The following NEMP2 variants were observed in gnomAD, a reference collection of about 807,000 sequenced individuals.
NEMP2 encodes the protein UPF0571 transmembrane protein.
In NEMP2, 53 loss-of-function variants were observed where a neutral mutation model predicts 54.2. The observed-to-expected ratio is 0.98, with a 90% CI of 0.78 to 1.23. The LOEUF (loss-of-function observed/expected upper bound fraction) is 1.23, where lower values mean the gene tolerates loss of function less well. Among genes scored for constraint, NEMP2 ranks in the 50% most tolerant of loss-of-function variants. The pLI is 0.00. For missense variants in NEMP2, 455 were observed against 511.3 expected (o/e 0.89, Z 1.06); for synonymous variants, 197 against 190.3 (o/e 1.04, Z -0.29).
At chr2:190,608,574 T>C in the NEMP2 span, 5 of 152,180 alleles carry the variant, frequency 3.3e-5, no homozygotes, top group African/African-American at 9.7e-5. The surrounding 1 kb of genome is among the most constrained non-coding windows in gnomAD (Gnocchi z 4.9). Context: ...CCAGAAAGCA[T>C]TGAGCCTGTA....
At chr2:190,499,125 G>A in the NEMP2 span, among the ~76,000 whole-genome samples, 2 of 152,152 alleles carry the variant, frequency 1.3e-5, no homozygotes, top group South Asian at 4.1e-4. This position sits in a 1 kb window ranked among gnomAD's most constrained non-coding sequence, Gnocchi z 6.0. Flanking sequence ...TCCGGCCTAG[G>A]CGACAGAGTG....
the NEMP2 span, among the ~76,000 whole-genome samples, chr2:190,476,626 CATTGTGGAA>C: frequency 1.3e-5 from 2 of 152,120 alleles, no homozygotes; most frequent in African/African-American, 4.8e-5. Flanking sequence ...CTAATTCAAC[CATTGTGGAA>C]GTCAGTGTGG....
the NEMP2 span, among the ~76,000 whole-genome samples, chr2:190,424,332 G>T: frequency 1.2e-4 from 18 of 151,052 alleles, no homozygotes; most frequent in Non-Finnish European, 2.2e-4. This position sits in a 1 kb window ranked among gnomAD's most constrained non-coding sequence, Gnocchi z 5.9. Flanking sequence ...TTAGTTTGAG[G>T]TTATTTATTT....
the NEMP2 span, among the ~76,000 whole-genome samples, chr2:190,647,510 T>C: frequency 6.6e-6 from 1 of 152,084 alleles, no homozygotes; most frequent in Non-Finnish European, 1.5e-5. Context: ...CTATAAAACT[T>C]GATTTTTATG....
the NEMP2 span, among the ~76,000 whole-genome samples, chr2:190,485,551 C>T: frequency 8.6e-5 from 13 of 151,946 alleles, no homozygotes; most frequent in Non-Finnish European, 1.0e-4. This position sits in a 1 kb window ranked among gnomAD's most constrained non-coding sequence, Gnocchi z 5.1. Context: ...GAAAAAAAAT[C>T]TGCATATGTG....
the NEMP2 span, among the ~76,000 whole-genome samples, chr2:190,543,012 T>C: frequency 6.6e-6 from 1 of 152,236 alleles, no homozygotes; most frequent in Non-Finnish European, 1.5e-5. This position sits in a 1 kb window ranked among gnomAD's most constrained non-coding sequence, Gnocchi z 4.7. Flanking sequence ...TCTGGCTTGT[T>C]TGGGTTTTTA....
the NEMP2 span, among the ~76,000 whole-genome samples, chr2:190,632,027 G>C: frequency 6.6e-6 from 1 of 152,150 alleles, no homozygotes; most frequent in East Asian, 1.9e-4. The surrounding 1 kb of genome is among the most constrained non-coding windows in gnomAD (Gnocchi z 4.8). Flanking sequence ...CTGCACTCTT[G>C]CCTGGGCAAC....
At chr2:190,425,302 T>C in the NEMP2 span, among the ~76,000 whole-genome samples, 1 of 152,208 alleles carries the variant, frequency 6.6e-6, no homozygotes, top group East Asian at 1.9e-4. The surrounding 1 kb of genome is among the most constrained non-coding windows in gnomAD (Gnocchi z 4.3). Context: ...GTTTCTTTGT[T>C]TTTGATCTGT....
chr2:190,648,698 T>A, the NEMP2 span, among the ~76,000 whole-genome samples: 34 of 150,956 alleles, frequency 2.3e-4, no homozygotes, highest in Non-Finnish European at 1.5e-5. Flanking sequence ...CCCGTCTCCC[T>A]CTTTGTCGTC....
the NEMP2 span, among the ~76,000 whole-genome samples, chr2:190,589,191 A>G: frequency 6.6e-6 from 1 of 152,112 alleles, no homozygotes; most frequent in Non-Finnish European, 1.5e-5. This position sits in a 1 kb window ranked among gnomAD's most constrained non-coding sequence, Gnocchi z 4.3. Context: ...TAGCAAAAGG[A>G]GGTCATTTCT....
At chr2:190,434,625 G>C in the NEMP2 span, among the ~76,000 whole-genome samples, 1 of 152,046 alleles carries the variant, frequency 6.6e-6, no homozygotes, top group Admixed American at 6.5e-5. The surrounding 1 kb of genome is among the most constrained non-coding windows in gnomAD (Gnocchi z 4.3). Flanking sequence ...GTAGAAACGG[G>C]GTTTCACCAT....
Position 190,533,621 on chromosome 2 carries a change from TTAGA to T in NEMP2, c.97+934_97+937del, listed in dbSNP as rs1401397897. ...TCAACATCCAGTCTCTCATTCATCC[TTAGA>T]TAAAAAACCGCGGTATAACCGGAGG... On this transcript the variant is annotated intron_variant, in intron 1 of 8. Coordinates refer to ENST00000409150, the MANE Select transcript of NEMP2 (RefSeq NM_001142645.2). This position sits in a 1 kb window ranked among gnomAD's most constrained non-coding sequence, Gnocchi z 4.3. Among the ~76,000 whole-genome samples, 1 of 152,102 alleles carries T rather than the reference TTAGA, an allele frequency of 6.6e-6. No individual in the cohort carries two copies. The highest frequency in any genetic ancestry group is 2.4e-5 in the African/African-American group (1 of 41,404).
the NEMP2 span, among the ~76,000 whole-genome samples, chr2:190,547,080 T>G: frequency 6.6e-6 from 1 of 152,238 alleles, no homozygotes; most frequent in African/African-American, 2.4e-5. This position sits in a 1 kb window ranked among gnomAD's most constrained non-coding sequence, Gnocchi z 6.2. Flanking sequence ...TCTTGAAAGC[T>G]CTCATCTTCA....
chr2:190,530,870 A>G lies in NEMP2; in HGVS notation c.97+3689T>C, dbSNP rs1427429092. On this transcript the variant is annotated intron_variant, in intron 1 of 8. Transcript: ENST00000409150. This position sits in a 1 kb window ranked among gnomAD's most constrained non-coding sequence, Gnocchi z 4.6. ...AGATGTAGGCAAACTCAAATGTATC[A>G]AAACAACAACGGGCCAGGTGCTGAG... is the stretch of plus-strand genomic sequence containing the variant. Among the ~76,000 whole-genome samples, 1 of 152,208 alleles carries G rather than the reference A, an allele frequency of 6.6e-6. No homozygotes were observed. The highest frequency in any genetic ancestry group is 1.9e-4 in the East Asian group (1 of 5,200).
At chr2:190,452,740 C>T in the NEMP2 span, among the ~76,000 whole-genome samples, 1 of 152,148 alleles carries the variant, frequency 6.6e-6, no homozygotes, top group Non-Finnish European at 1.5e-5. Flanking sequence ...GGTGAGATCT[C>T]CATCCCTGTA....
At position 190,523,694 on chromosome 2, in the gene NEMP2, CA is replaced by C. The variant is rs1385943570; in HGVS notation, c.213+1568del. On this transcript the variant is annotated intron_variant, in intron 2 of 8. Transcript: ENST00000409150. This position sits in a 1 kb window ranked among gnomAD's most constrained non-coding sequence, Gnocchi z 5.3. Reference sequence around the variant, plus strand: ...GTTTGTTAGAAAGTAAAGTAGTGCTCAAAAATGCTAGGCACATGGCAGAAGG... The same window carrying C: ...GTTTGTTAGAAAGTAAAGTAGTGCTCAAAATGCTAGGCACATGGCAGAAGG... Among the ~76,000 whole-genome samples, 1 of 152,122 alleles carries C rather than the reference CA, an allele frequency of 6.6e-6. No homozygotes were observed. The highest frequency in any genetic ancestry group is 1.5e-5 in the Non-Finnish European group (1 of 68,022).
the NEMP2 span, chr2:190,436,990 A>C: frequency 6.2e-7 from 1 of 1,614,196 alleles, no homozygotes; most frequent in Non-Finnish European, 8.5e-7. The surrounding 1 kb of genome is among the most constrained non-coding windows in gnomAD (Gnocchi z 5.3). Flanking sequence ...GGGAAAACAC[A>C]GAGATCGCTA....
chr2:190,561,117 T>C, the NEMP2 span, among the ~76,000 whole-genome samples: 1 of 152,212 alleles, frequency 6.6e-6, no homozygotes, highest in Admixed American at 6.5e-5. The surrounding 1 kb of genome is among the most constrained non-coding windows in gnomAD (Gnocchi z 5.4). Context: ...CTTCCCATGC[T>C]GGGGCTTGAT....
the NEMP2 span, among the ~76,000 whole-genome samples, chr2:190,487,313 C>T: frequency 6.6e-6 from 1 of 152,110 alleles, no homozygotes. The surrounding 1 kb of genome is among the most constrained non-coding windows in gnomAD (Gnocchi z 5.5). Context: ...TGCACTCCAG[C>T]CTGGTGACAG....
Sources: gnomAD v4.1 joint callset for allele counts (sites outside exome capture counted in the v4.1 genomes callset) on GRCh38, gnomAD v4.1.1 for gene constraint, Gnocchi (gnomAD v3.1) non-coding constraint, MANE v1.5 for transcripts, NCBI Gene and HGNC (gene_info 2026-07-23, HGNC 2026-07-21) for gene names.